Variants in GLI3 observed in about 807,000 individuals in gnomAD.
The protein encoded by GLI3 is GLI family zinc finger 3.
Under a neutral mutation model 100.8 loss-of-function variants are expected in GLI3, and 20 were observed. That is an observed-to-expected ratio of 0.20 (90% CI 0.14 to 0.29). GLI3 has a LOEUF of 0.29. Among genes scored for constraint, GLI3 ranks in the 10% least tolerant of loss-of-function variants. The pLI, the probability that GLI3 is intolerant of heterozygous loss-of-function variation, is 1.00. For missense variants in GLI3, 2,040 were observed against 2,128.5 expected (o/e 0.96, Z 0.82); for synonymous variants, 938 against 860.5 (o/e 1.09, Z -1.58).
intron 2 of GLI3, among the ~76,000 whole-genome samples, chr7:42,182,054 C>G (rs1364794959): frequency 6.6e-6 from 1 of 152,026 alleles, no homozygotes; most frequent in African/African-American, 2.4e-5. Context: ...TCCTGGGGCC[C>G]TACGATTTAC....
chr7:42,254,332 G>A (rs1331031568), intron 1 of GLI3, among the ~76,000 whole-genome samples: 3 of 152,030 alleles, frequency 2.0e-5, no homozygotes, highest in African/African-American at 7.3e-5. Flanking sequence ...CGGAATGCAG[G>A]TGAAGGAGGC....
chr7:42,241,056 T>G (rs1002362206), upstream of GLI3, among the ~76,000 whole-genome samples: 1 of 152,156 alleles, frequency 6.6e-6, no homozygotes, highest in Non-Finnish European at 1.5e-5. Context: ...CACCTCCAAT[T>G]GACTTAAGTT....
intron 2 of GLI3, among the ~76,000 whole-genome samples, chr7:42,157,394 G>T (rs1423359378): frequency 2.6e-5 from 4 of 152,144 alleles, no homozygotes; most frequent in Non-Finnish European, 4.4e-5. Flanking sequence ...GGAGAGAAAG[G>T]CCACAAAATT....
At chr7:42,000,287 T>C (rs1788249902) in intron 10 of GLI3, among the ~76,000 whole-genome samples, 1 of 152,232 alleles carries the variant, frequency 6.6e-6, no homozygotes. Context: ...GATTTTTCAA[T>C]ATAAACTTTA....
chr7:42,182,511 T>A (rs1288001700), intron 2 of GLI3, among the ~76,000 whole-genome samples: 1 of 150,678 alleles, frequency 6.6e-6, no homozygotes, highest in Non-Finnish European at 1.5e-5. Context: ...CTCCTTAAAC[T>A]TTTTCGCCAA....
At chr7:42,045,001 C>T (rs1784216036) in intron 6 of GLI3, among the ~76,000 whole-genome samples, 1 of 152,192 alleles carries the variant, frequency 6.6e-6, no homozygotes, top group African/African-American at 2.4e-5. Context: ...GATCCTTCAG[C>T]CTCAGCCTCC....
intron 1 of GLI3, among the ~76,000 whole-genome samples, chr7:42,258,540 C>T (rs1789108390): frequency 6.6e-6 from 1 of 152,166 alleles, no homozygotes; most frequent in Admixed American, 6.5e-5. Context: ...ATTAAGATGT[C>T]ACCATAACTC....
At chr7:42,240,773 G>A (rs1314182269), upstream of GLI3, among the ~76,000 whole-genome samples, 3 of 152,108 alleles carry the variant, frequency 2.0e-5, no homozygotes, top group Non-Finnish European at 4.4e-5. Context: ...TTCTTCTGGG[G>A]GACATAATTC....
At chr7:42,170,621 C>T (rs1212343596) in intron 2 of GLI3, among the ~76,000 whole-genome samples, 1 of 151,900 alleles carries the variant, frequency 6.6e-6, no homozygotes, top group South Asian at 2.1e-4. Context: ...CCAGGATGGT[C>T]TCGACCTCCT....
rs576778237 is a variant in GLI3, at chr7:42,084,805, T to C, written c.368-7948A>G. Among the ~76,000 whole-genome samples the C allele has an allele frequency of 2.0e-5, 3 of 151,888 alleles. No individual in the cohort carries two copies. The South Asian group carries it at 6.2e-4, about 32-fold the overall frequency. On this transcript the variant is annotated intron_variant, in intron 3 of 14. Transcript: ENST00000395925. ...AAGCTTGGAAATTAAAAATGGAAAT[T>C]AGTTACCAGTGACAAATTTTTAAAT...
chr7:42,042,322 T>A (rs112853412), intron 6 of GLI3, among the ~76,000 whole-genome samples: 10,484 of 152,228 alleles, frequency 0.069, 521 homozygotes, highest in Non-Finnish European at 0.1. Flanking sequence ...CTGTGCATAT[T>A]TTTAAGGCAT....
chr7:42,011,756 C>A (rs1365354107), intron 10 of GLI3, among the ~76,000 whole-genome samples: 1 of 151,972 alleles, frequency 6.6e-6, no homozygotes, highest in Non-Finnish European at 1.5e-5. Flanking sequence ...CAGGGGCTGG[C>A]GGGGAGGGGG....
At chr7:42,021,555 A>G (rs193270761) in intron 10 of GLI3, among the ~76,000 whole-genome samples, 1 of 152,336 alleles carries the variant, frequency 6.6e-6, no homozygotes, top group Non-Finnish European at 1.5e-5. Context: ...TTAGGTTGTG[A>G]AAGGGTTAAG....
intron 1 of GLI3, among the ~76,000 whole-genome samples, chr7:42,245,040 C>A (rs2128709546): frequency 6.6e-6 from 1 of 152,326 alleles, no homozygotes; most frequent in Middle Eastern, 3.4e-3. Context: ...ACTCACGTCC[C>A]AGAATCATAA....
At chr7:42,252,858 T>C (rs1789048167) in intron 1 of GLI3, among the ~76,000 whole-genome samples, 1 of 152,198 alleles carries the variant, frequency 6.6e-6, no homozygotes, top group South Asian at 2.1e-4. Flanking sequence ...TTTAAAAGTC[T>C]TGATAGTCAC....
chr7:41,998,246 T>G (rs1788186717), intron 10 of GLI3, among the ~76,000 whole-genome samples: 1 of 152,152 alleles, frequency 6.6e-6, no homozygotes, highest in African/African-American at 2.4e-5. Flanking sequence ...GCACCTCTTC[T>G]AAGGTATTCA....
intron 10 of GLI3, among the ~76,000 whole-genome samples, chr7:42,017,604 C>A (rs560544740): frequency 6.6e-6 from 1 of 152,298 alleles, no homozygotes; most frequent in Non-Finnish European, 1.5e-5. Flanking sequence ...CCATCCCTGT[C>A]CTAAGGACTA....
chr7:42,000,912 G>C (rs534910148), intron 10 of GLI3, among the ~76,000 whole-genome samples: 2 of 152,132 alleles, frequency 1.3e-5, no homozygotes, highest in South Asian at 4.1e-4. Context: ...TCACGTATAA[G>C]ACCTAGGTAT....
intron 10 of GLI3, among the ~76,000 whole-genome samples, chr7:42,023,230 T>TA (rs1788993861): frequency 1.3e-5 from 2 of 152,222 alleles, no homozygotes; most frequent in Non-Finnish European, 2.9e-5. Flanking sequence ...GCTTACAGGA[T>TA]CAGAGTCATT....
Sources: allele counts gnomAD v4.1 joint callset (sites outside exome capture counted in the v4.1 genomes callset), GRCh38; gene constraint gnomAD v4.1.1; transcripts MANE v1.5; gene names NCBI Gene and HGNC (gene_info 2026-07-23, HGNC 2026-07-21).